Variants in TIAM1 observed in about 807,000 individuals in gnomAD.
TIAM1 encodes TIAM Rac1 associated GEF 1.
A neutral mutation model predicts 163.5 loss-of-function variants in TIAM1; 65 were observed. The observed-to-expected ratio is 0.40, with a 90% CI of 0.33 to 0.49. TIAM1 has a LOEUF of 0.49. TIAM1 is among the 20% of genes least tolerant of loss of function. TIAM1 has a pLI of 0.77. For synonymous variants in TIAM1, 833 were observed against 810.1 expected, an observed-to-expected ratio of 1.03 and a Z score of -0.48; for missense variants, 1,789 against 2,044.7, an observed-to-expected ratio of 0.87 and a Z score of 2.41.
chr21:31,449,406 T>C (rs1162865838), intron 2 of TIAM1, among the ~76,000 whole-genome samples: 1 of 151,656 alleles, frequency 6.6e-6, no homozygotes, highest in Non-Finnish European at 1.5e-5. Context: ...TGAGACAGAG[T>C]CTTGCTCTGT....
chr21:31,175,270 G>A (rs1425710986), intron 15 of TIAM1, among the ~76,000 whole-genome samples: 2 of 152,108 alleles, frequency 1.3e-5, no homozygotes, highest in East Asian at 3.9e-4. Context: ...TTGTAATCCT[G>A]TGGGCTACTC....
intron 2 of TIAM1, among the ~76,000 whole-genome samples, chr21:31,338,135 G>A (rs567524982): frequency 2.6e-5 from 4 of 152,308 alleles, no homozygotes; most frequent in Non-Finnish European, 4.4e-5. Flanking sequence ...GTGTACATGC[G>A]GAGAAAGGAG....
At chr21:31,203,994 G>A (rs1005494159) in intron 11 of TIAM1, among the ~76,000 whole-genome samples, 1 of 152,186 alleles carries the variant, frequency 6.6e-6, no homozygotes, top group African/African-American at 2.4e-5. Flanking sequence ...GTCCAGGATG[G>A]AACAATAGAT....
intron 8 of TIAM1, among the ~76,000 whole-genome samples, chr21:31,217,992 T>C (rs887228871): frequency 6.6e-6 from 1 of 152,312 alleles, no homozygotes; most frequent in East Asian, 1.9e-4. Context: ...AAAAATGACA[T>C]GTCCTTCTGG....
intron 2 of TIAM1, among the ~76,000 whole-genome samples, chr21:31,368,624 CA>C: frequency 6.6e-6 from 1 of 152,252 alleles, no homozygotes; most frequent in South Asian, 2.1e-4. Flanking sequence ...GAACAGATCC[CA>C]AAAGGCAGGC....
At chr21:31,338,181 C>T (rs922475324) in intron 2 of TIAM1, among the ~76,000 whole-genome samples, 3 of 152,172 alleles carry the variant, frequency 2.0e-5, no homozygotes, top group Non-Finnish European at 2.9e-5. Flanking sequence ...GCAGGCAGAG[C>T]GGAGCAGCAG....
chr21:31,182,494 T>C lies in TIAM1; in HGVS notation c.2814A>G (p.Glu938=). Reference sequence around the variant, plus strand: ...GGCCGTCCACTCGGTGGGGCGGGCTTTCCAGCAGCTCCACTCCTTCCTCCA... The same window carrying C: ...GGCCGTCCACTCGGTGGGGCGGGCTCTCCAGCAGCTCCACTCCTTCCTCCA... ...PELEEGVELL[E]SPPHRVDGPA... The change falls in exon 15 of 28, where the codon GAA becomes GAG. Residue 938 remains glutamate, a synonymous_variant. Transcript: ENST00000541036. 6.2e-7 allele frequency: 1 copy of C among 1,612,018 alleles called. No individual in the cohort carries two copies. The highest frequency in any genetic ancestry group is 1.1e-5 in the South Asian group (1 of 90,664).
chr21:31,387,578 G>C (rs1255627293), intron 2 of TIAM1, among the ~76,000 whole-genome samples: 1 of 151,952 alleles, frequency 6.6e-6, no homozygotes, highest in East Asian at 1.9e-4. Flanking sequence ...GACGATGTTG[G>C]GAAGGGGAAA....
chr21:31,251,636 C>A, intron 5 of TIAM1, 106 bp downstream of exon 5: 2 of 1,183,046 alleles, frequency 1.7e-6, no homozygotes, highest in Middle Eastern at 2.1e-4. Flanking sequence ...TTTTCAAATT[C>A]TGTATAACAA....
chr21:31,236,465 G>A (rs544197375), intron 6 of TIAM1, among the ~76,000 whole-genome samples: 6 of 152,076 alleles, frequency 3.9e-5, no homozygotes, highest in African/African-American at 1.2e-4. Context: ...TGAAGACCTC[G>A]CACTCAGCTT....
At chr21:31,267,722 G>A (rs1226983299) in intron 3 of TIAM1, among the ~76,000 whole-genome samples, 1 of 151,894 alleles carries the variant, frequency 6.6e-6, no homozygotes, top group African/African-American at 2.4e-5. Flanking sequence ...AGGGGTGGTG[G>A]GGATGGGCAA....
intron 16 of TIAM1, chr21:31,160,317 A>G (rs771389130): frequency 5.0e-6 from 2 of 396,620 alleles, no homozygotes; most frequent in Non-Finnish European, 8.9e-6. Flanking sequence ...TCCAGAGGGT[A>G]AAAGGACAGA....
At chr21:31,392,194 G>A (rs1324985429) in intron 2 of TIAM1, among the ~76,000 whole-genome samples, 1 of 152,192 alleles carries the variant, frequency 6.6e-6, no homozygotes, top group African/African-American at 2.4e-5. Context: ...ATTGTAAGTT[G>A]ATGAGCATCT....
intron 12 of TIAM1, among the ~76,000 whole-genome samples, chr21:31,197,341 A>G (rs1042322889): frequency 6.6e-6 from 1 of 152,050 alleles, no homozygotes; most frequent in African/African-American, 2.4e-5. Flanking sequence ...CACATCATAA[A>G]TGTTGTTTAA....
At chr21:31,387,333 C>T (rs927404537) in intron 2 of TIAM1, among the ~76,000 whole-genome samples, 11 of 150,570 alleles carry the variant, frequency 7.3e-5, no homozygotes, top group African/African-American at 2.4e-4. Context: ...ACCAATTCTC[C>T]TGACTCAGCC....
chr21:31,357,154 C>T (rs1290193413), intron 2 of TIAM1, among the ~76,000 whole-genome samples: 1 of 152,134 alleles, frequency 6.6e-6, no homozygotes, highest in Non-Finnish European at 1.5e-5. Context: ...CTAGAGAAAA[C>T]AGAAGAAAGC....
intron 4 of TIAM1, among the ~76,000 whole-genome samples, chr21:31,261,947 G>A (rs2072498760): frequency 6.6e-6 from 1 of 152,102 alleles, no homozygotes; most frequent in East Asian, 1.9e-4. Context: ...TCTCCCAAGT[G>A]GATGAATGAA....
Position 31,223,489 on chromosome 21 carries a change from T to C in TIAM1, c.1912A>G (p.Arg638Gly). ...LQGGELPNPK[R>G]LLAFASRPTK... ...GGTCGACTTGCAAAAGCGAGAAGCC[T>C]TTTGGGGTTTGGCAGCTCCCCACCC... Residue 638 changes from arginine (R) to glycine (G), a missense_variant, in exon 8 of 28, where the codon AGG becomes GGG. Around this residue, in one of 5 missense-constraint regions of TIAM1, gnomAD observed 456 missense variants for 586.6 expected, o/e 0.78. Coordinates refer to ENST00000541036, the MANE Select transcript of TIAM1 (RefSeq NM_001353694.2). The C allele has an allele frequency of 6.2e-7, 1 of 1,613,868 alleles. No homozygotes were observed. Among genetic ancestry groups the C allele is most frequent in the Non-Finnish European group, 8.5e-7 (1 of 1,179,884 alleles).
At chr21:31,387,665 C>T (rs574464489) in intron 2 of TIAM1, among the ~76,000 whole-genome samples, 2 of 110,974 alleles carry the variant, frequency 1.8e-5, no homozygotes, top group South Asian at 2.7e-4. Flanking sequence ...TCTACGGCTG[C>T]GGACGCTGGT....
Sources: gnomAD v4.1 joint callset for allele counts (sites outside exome capture counted in the v4.1 genomes callset) on GRCh38, gnomAD v4.1.1 for gene constraint, gnomAD v4.1.1 regional missense constraint, MANE v1.5 for transcripts, NCBI Gene and HGNC (gene_info 2026-07-23, HGNC 2026-07-21) for gene names.